The following WASHC2A variants were observed in gnomAD, a reference collection of about 807,000 sequenced individuals.
The protein encoded by WASHC2A is WASH complex subunit 2A, also known as WASH complex subunit FAM21A.
WASHC2A carries 82 observed loss-of-function variants against 140.3 expected under a neutral mutation model. The observed-to-expected ratio is 0.58, with a 90% CI of 0.49 to 0.70. The LOEUF (loss-of-function observed/expected upper bound fraction) is 0.70. WASHC2A is among the 30% of genes least tolerant of loss of function. The pLI is 0.00. For synonymous variants in WASHC2A, 340 were observed against 560.8 expected (o/e 0.61, Z 5.56); for missense variants, 985 against 1,521.8 (o/e 0.65, Z 5.87).
rs1228661904 is a variant in WASHC2A at position 50,121,945 on chromosome 10, T to G, written c.2478+2176T>G. Among the ~76,000 whole-genome samples, 746 of 123,746 alleles carry G rather than the reference T, an allele frequency of 6.0e-3. 19 individuals carry two copies. Among genetic ancestry groups the G allele is most frequent in the African/African-American group, 0.022 (708 of 31,716 alleles). 81.2% of individuals were successfully genotyped at this position (123,746 alleles called of 152,430 possible). The stretch of plus-strand genomic sequence containing the variant: ...TGGCAATACTTCCTTCCCAAATTGA[T>G]TTATTGTAATCTCTATCAGAATTCC... On this transcript the variant is annotated intron_variant, in intron 23 of 30. Transcript: ENST00000282633.
At chr10:50,089,028 G>A (rs1259205252) in intron 8 of WASHC2A, among the ~76,000 whole-genome samples, 14 of 147,384 alleles carry the variant, frequency 9.5e-5, no homozygotes, top group Non-Finnish European at 1.8e-4. Context: ...GCAGTGGCAC[G>A]ATATTGGTTC....
At chr10:50,130,608 TAA>T (rs562663957) in intron 29 of WASHC2A, among the ~76,000 whole-genome samples, 122 of 152,158 alleles carry the variant, frequency 8.0e-4, no homozygotes, top group Non-Finnish European at 1.6e-3. Flanking sequence ...CAAATAGTAC[TAA>T]GTGTCATGAA....
intron 17 of WASHC2A, among the ~76,000 whole-genome samples, chr10:50,100,984 A>G (rs1336187986): frequency 2.0e-5 from 3 of 152,310 alleles, no homozygotes; most frequent in South Asian, 2.1e-4. Flanking sequence ...ACAGAAAAAT[A>G]TGTGGACATG....
intron 7 of WASHC2A, among the ~76,000 whole-genome samples, chr10:50,086,321 G>A (rs2132490856): frequency 1.3e-5 from 2 of 151,218 alleles, no homozygotes; most frequent in South Asian, 4.2e-4. Flanking sequence ...AACAAAAGCA[G>A]TGCTCATTAG....
chr10:50,087,966 C>T (rs1167073092), intron 8 of WASHC2A, among the ~76,000 whole-genome samples: 1 of 151,572 alleles, frequency 6.6e-6, no homozygotes, highest in Admixed American at 6.6e-5. Context: ...CAGGTGCCCA[C>T]CACCATGCTC....
chr10:50,083,255 C>T (rs1287934580), intron 5 of WASHC2A, among the ~76,000 whole-genome samples: 1 of 115,804 alleles, frequency 8.6e-6, no homozygotes, highest in Non-Finnish European at 1.8e-5. Flanking sequence ...CTGCCTCAGC[C>T]TCCGAAAGTG....
rs1554882403 is a variant in WASHC2A, at chr10:50,090,514, A to AT, written c.733-262_733-261insT. On this transcript the variant is annotated intron_variant, in intron 8 of 30. Coordinates refer to ENST00000282633, the MANE Select transcript of WASHC2A (RefSeq NM_001005751.3). ...CTAGACTCCATCTCAAAAAAAAAAA[A>AT]AATATATATATATATATTTATATTT... Among the ~76,000 whole-genome samples the AT allele has an allele frequency of 5.7e-3, 443 of 77,860 alleles. 1 individual carries two copies. Among genetic ancestry groups the AT allele is most frequent in the East Asian group, 0.034 (100 of 2,952 alleles). 51.1% of individuals were successfully genotyped at this position (77,860 alleles called of 152,430 possible).
At chr10:50,079,485 T>A (rs2490888) in intron 4 of WASHC2A, among the ~76,000 whole-genome samples, 1 of 152,254 alleles carries the variant, frequency 6.6e-6, no homozygotes, top group Admixed American at 6.5e-5. Flanking sequence ...CAACCTCTGC[T>A]TCCTGGGTGC....
In WASHC2A at chr10:50,092,546, AC is replaced by A. The variant is rs1351822896; in HGVS notation, c.1003+314del. Among the ~76,000 whole-genome samples the A allele has an allele frequency of 2.0e-5, 3 of 152,006 alleles. No homozygotes were observed. The East Asian group carries it at 5.9e-4, about 30-fold the overall frequency. On this transcript the variant is annotated intron_variant, in intron 11 of 30. Transcript: ENST00000282633. The stretch of plus-strand genomic sequence containing the variant: ...GTGGTGGGTGCCTGTTGTCCCAGCT[AC>A]TTGGGAGGCTGAGGCAGGAGAATCA...
intron 17 of WASHC2A, among the ~76,000 whole-genome samples, chr10:50,103,102 A>G (rs1841375584): frequency 6.6e-6 from 1 of 150,980 alleles, no homozygotes; most frequent in African/African-American, 2.4e-5. Flanking sequence ...TGCCTGCCCC[A>G]GCCTCCCAAA....
At chr10:50,103,309 C>T (rs1320591419) in intron 17 of WASHC2A, among the ~76,000 whole-genome samples, 1 of 151,394 alleles carries the variant, frequency 6.6e-6, no homozygotes, top group African/African-American at 2.4e-5. Flanking sequence ...CCTGTAATCC[C>T]AGCACTTGTG....
intron 20 of WASHC2A, 98 bp downstream of exon 20, chr10:50,110,368 T>G: frequency 6.6e-7 from 1 of 1,518,866 alleles, no homozygotes; most frequent in East Asian, 2.2e-5. Flanking sequence ...TTGCTAATCA[T>G]GGATCACATA....
At chr10:50,095,533 T>G (rs1840402509) in intron 14 of WASHC2A, 66 bp from the exon 15 acceptor site, 1 of 1,583,568 alleles carries the variant, frequency 6.3e-7, no homozygotes, top group African/African-American at 1.3e-5. Context: ...GTGATAATTT[T>G]TTTCTGTAAA....
intron 17 of WASHC2A, among the ~76,000 whole-genome samples, chr10:50,103,327 A>T (rs1391295153): frequency 6.6e-6 from 1 of 151,634 alleles, no homozygotes; most frequent in African/African-American, 2.4e-5. Context: ...GTGGAAGCCG[A>T]GGCGGGCGGA....
intron 3 of WASHC2A, among the ~76,000 whole-genome samples, chr10:50,076,989 C>T (rs1431521957): frequency 1.3e-5 from 2 of 151,776 alleles, no homozygotes; most frequent in African/African-American, 4.9e-5. Flanking sequence ...GGGTGGCAGG[C>T]ACCTGTAGTC....
rs1389418637 is a variant in WASHC2A, at chr10:50,088,038, C to G, written c.732+716C>G. 2.0e-5 allele frequency among the ~76,000 whole-genome samples: 3 copies of G among 151,700 alleles called. No homozygotes were observed. The East Asian group carries it at 5.8e-4, about 29-fold the overall frequency. ...TTCACCATGTTGGCCAGGCTGGTCT[C>G]GAGCTCCTGACCTCAGGTAATCCAC... On this transcript the variant is annotated intron_variant, in intron 8 of 30. Coordinates refer to ENST00000282633, the MANE Select transcript of WASHC2A (RefSeq NM_001005751.3).
intron 3 of WASHC2A, among the ~76,000 whole-genome samples, chr10:50,077,737 A>G (rs1230090664): frequency 2.6e-4 from 39 of 151,900 alleles, no homozygotes; most frequent in African/African-American, 8.7e-4. Context: ...CAGTGGTGCA[A>G]TCAGGGCTCA....
rs1169527295 is a variant in WASHC2A at position 50,131,020 on chromosome 10, A to G, written c.3828A>G (p.Lys1276=). The change falls in exon 30 of 31, where the codon AAA becomes AAG. Residue 1276 remains lysine (K), a synonymous_variant. Transcript: ENST00000282633. ...NIDIFADLTV[K]PKEKSKKKVE... Reference sequence around the variant, plus strand: ...ATATCTTTGCTGACTTAACTGTAAAACCAAAAGAAAAGTCCAAAAAGAAAG... The same window carrying G: ...ATATCTTTGCTGACTTAACTGTAAAGCCAAAAGAAAAGTCCAAAAAGAAAG... 2 of 1,610,804 alleles carry G rather than the reference A, an allele frequency of 1.2e-6. No homozygotes were observed. The highest frequency in any genetic ancestry group is 2.7e-5 in the African/African-American group (2 of 74,706).
chr10:50,090,511 A>T (rs1248296424), intron 8 of WASHC2A, among the ~76,000 whole-genome samples: 9 of 62,690 alleles, frequency 1.4e-4, no homozygotes, highest in South Asian at 5.1e-4. Flanking sequence ...TCAAAAAAAA[A>T]AAAAATATAT....
Sources: gnomAD v4.1 joint callset for allele counts (sites outside exome capture counted in the v4.1 genomes callset) on GRCh38, gnomAD v4.1.1 for gene constraint, MANE v1.5 for transcripts, NCBI Gene and HGNC (gene_info 2026-07-23, HGNC 2026-07-21) for gene names.